Variants in XCR1 observed in about 807,000 individuals in gnomAD.
XCR1 encodes X-C motif chemokine receptor 1, also known as chemokine XC receptor 1.
For synonymous variants in XCR1, 187 were observed against 188.5 expected (o/e 0.99, Z 0.06); for missense variants, 356 against 424.2 (o/e 0.84, Z 1.41).
At chr3:46,023,880 A>G in intron 1 of XCR1, 1 of 1,514,862 alleles carries the variant, frequency 6.6e-7, no homozygotes, top group Non-Finnish European at 9.1e-7. Flanking sequence ...TAAGGAAAGA[A>G]AATAACTAAA....
intron 5 of XCR1, among the ~76,000 whole-genome samples, chr3:46,037,432 A>G (rs892888359): frequency 2.0e-5 from 3 of 152,146 alleles, no homozygotes; most frequent in African/African-American, 7.2e-5. Context: ...TATAAAGAAA[A>G]GAGAAAAATA....
At chr3:46,056,894 C>T (rs56840721) in intron 4 of XCR1, among the ~76,000 whole-genome samples, 17,728 of 152,086 alleles carry the variant, frequency 0.12, 3,465 homozygotes, top group African/African-American at 0.4. Flanking sequence ...TCCGTGCAAA[C>T]ATTTGCTCAC....
chr3:46,051,249 T>G (rs1414726805), intron 5 of XCR1, among the ~76,000 whole-genome samples: 1 of 152,236 alleles, frequency 6.6e-6, no homozygotes, highest in Non-Finnish European at 1.5e-5. Context: ...ACATTTTAAA[T>G]CCTGGGTTAT....
intron 5 of XCR1, among the ~76,000 whole-genome samples, chr3:46,037,908 C>T (rs978513648): frequency 3.3e-5 from 5 of 151,930 alleles, no homozygotes; most frequent in African/African-American, 4.8e-5. Context: ...GGTACTTGTA[C>T]GGGTCATGTA....
At chr3:46,080,474 A>G (rs1698338603) in intron 1 of XCR1, among the ~76,000 whole-genome samples, 2 of 152,188 alleles carry the variant, frequency 1.3e-5, no homozygotes, top group Admixed American at 1.3e-4. Context: ...AGGCATGAGA[A>G]TCTTTTGAAC....
intron 5 of XCR1, among the ~76,000 whole-genome samples, chr3:46,043,371 G>A (rs902602711): frequency 1.3e-5 from 2 of 151,238 alleles, no homozygotes; most frequent in Non-Finnish European, 3.0e-5. Context: ...AACCCAGGAG[G>A]CAGAGGTTGC....
At chr3:46,069,382 G>A (rs950315905) in intron 3 of XCR1, among the ~76,000 whole-genome samples, 1 of 152,150 alleles carries the variant, frequency 6.6e-6, no homozygotes, top group Non-Finnish European at 1.5e-5. Flanking sequence ...ACACAAATTA[G>A]CAATATCAGG....
intron 3 of XCR1, among the ~76,000 whole-genome samples, chr3:46,071,033 G>A (rs1229022700): frequency 6.6e-6 from 1 of 151,838 alleles, no homozygotes. Context: ...AGCATTTCTT[G>A]TACAAAAGAA....
At chr3:46,047,787 C>T (rs767110599) in intron 5 of XCR1, among the ~76,000 whole-genome samples, 2 of 152,188 alleles carry the variant, frequency 1.3e-5, no homozygotes, top group African/African-American at 4.8e-5. Context: ...CCACCAATGC[C>T]AGCACAGTTT....
chr3:46,079,139 A>G (rs1327939906), intron 1 of XCR1, among the ~76,000 whole-genome samples: 1 of 152,170 alleles, frequency 6.6e-6, no homozygotes, highest in Non-Finnish European at 1.5e-5. Context: ...ACGGGAAATC[A>G]AGCTTGAAAA....
Position 46,024,400 on chromosome 3 carries a change from A to G in XCR1, c.-31-2422T>C, listed in dbSNP as rs1028585964. Among the ~76,000 whole-genome samples the G allele has an allele frequency of 2.1e-4, 32 of 152,282 alleles. 1 individual carries two copies. The highest frequency in any genetic ancestry group is 1.3e-3 in the Admixed American group (20 of 15,300). On this transcript the variant is annotated intron_variant, in intron 1 of 1. Transcript: ENST00000309285. The stretch of plus-strand genomic sequence containing the variant: ...TAATGATTCCAACTTGATAAACACT[A>G]AACTCATGGAGGTTCAGTTTCTGCT...
intron 1 of XCR1, among the ~76,000 whole-genome samples, chr3:46,024,476 T>A (rs1316858048): frequency 6.6e-6 from 1 of 152,092 alleles, no homozygotes; most frequent in Admixed American, 6.5e-5. Flanking sequence ...CAACAGTTAT[T>A]TTTCTTATCT....
intron 1 of XCR1, chr3:46,023,525 G>A: frequency 1.3e-6 from 2 of 1,565,146 alleles, no homozygotes; most frequent in South Asian, 2.3e-5. Flanking sequence ...AGATGGAAAA[G>A]GGCCCAGCGT....
chr3:46,029,558 A>C (rs1408201259), upstream of XCR1, among the ~76,000 whole-genome samples: 1 of 152,258 alleles, frequency 6.6e-6, no homozygotes, highest in African/African-American at 2.4e-5. Context: ...AAATGGTGCC[A>C]GGAAAACTAG....
At chr3:46,043,537 C>T (rs1697571374) in intron 5 of XCR1, among the ~76,000 whole-genome samples, 1 of 152,088 alleles carries the variant, frequency 6.6e-6, no homozygotes, top group Non-Finnish European at 1.5e-5. Flanking sequence ...ATCTTATACT[C>T]ACTGGTAAAA....
chr3:46,041,049 C>G (rs1356788741), intron 5 of XCR1, among the ~76,000 whole-genome samples: 3 of 151,698 alleles, frequency 2.0e-5, no homozygotes, highest in Non-Finnish European at 4.4e-5. Flanking sequence ...CCATTTATAG[C>G]CTTTAAATAT....
At chr3:46,022,147 A>T (rs1016224724) in intron 1 of XCR1, 169 bp from the exon 2 acceptor site, 1 of 581,424 alleles carries the variant, frequency 1.7e-6, no homozygotes, top group Non-Finnish European at 2.9e-6. Context: ...CAAAAAATTT[A>T]AAAATTACCC....
intron 1 of XCR1, among the ~76,000 whole-genome samples, chr3:46,078,780 C>T (rs1032931741): frequency 1.3e-5 from 2 of 151,820 alleles, no homozygotes; most frequent in African/African-American, 4.8e-5. Context: ...TCACTTTGAC[C>T]AATTGGAGTG....
At chr3:46,023,347 G>T in intron 1 of XCR1, 1 of 1,348,388 alleles carries the variant, frequency 7.4e-7, no homozygotes, top group Non-Finnish European at 1.1e-6. Flanking sequence ...GAGCAGACGA[G>T]CCGACCGTTT....
Sources: gnomAD v4.1 joint callset for allele counts (sites outside exome capture counted in the v4.1 genomes callset) on GRCh38, gnomAD v4.1.1 for gene constraint, MANE v1.5 for transcripts, NCBI Gene and HGNC (gene_info 2026-07-23, HGNC 2026-07-21) for gene names.